The following NPLOC4 variants were observed in gnomAD, a reference collection of about 807,000 sequenced individuals.
NPLOC4 encodes NPL4 homolog, ubiquitin recognition factor, also known as nuclear protein localization protein 4 homolog.
In NPLOC4, 18 loss-of-function variants were observed where a neutral mutation model predicts 80.6. The observed-to-expected ratio is 0.22, with a 90% CI of 0.15 to 0.33. NPLOC4 has a LOEUF of 0.33. Ranked by LOEUF, NPLOC4 falls within the 10% of genes least tolerant of loss-of-function variation. The pLI is 1.00. For missense variants in NPLOC4, 540 were observed against 786.1 expected (o/e 0.69, Z 3.74); for synonymous variants, 313 against 301.5 (o/e 1.04, Z -0.39).
At chr17:81,598,962 C>A (rs2034994520) in intron 9 of NPLOC4, among the ~76,000 whole-genome samples, 1 of 152,146 alleles carries the variant, frequency 6.6e-6, no homozygotes, top group Admixed American at 6.6e-5. Context: ...AAAGCAAAAT[C>A]AAAATCAAAC....
chr17:81,583,513 GCCC>G (rs1459746775), intron 12 of NPLOC4, among the ~76,000 whole-genome samples: 1 of 152,192 alleles, frequency 6.6e-6, no homozygotes, highest in Non-Finnish European at 1.5e-5. Flanking sequence ...AAAGAGAAAA[GCCC>G]CACGTCCTGC....
Position 81,577,739 on chromosome 17 carries a change from A to G in NPLOC4, c.1282-5651T>C, listed in dbSNP as rs1162970799. Among the ~76,000 whole-genome samples the G allele has an allele frequency of 6.6e-6, 1 of 152,176 alleles. No homozygotes were observed. Among genetic ancestry groups the G allele is most frequent in the Non-Finnish European group, 1.5e-5 (1 of 68,030 alleles). ...CACAGACCCATGGCTCTACTCTGGC[A>G]CCAGTGCCAACCCTGCTCCCCAAAA... On this transcript the variant is annotated intron_variant, in intron 12 of 16. Transcript: ENST00000331134. This position sits in a 1 kb window ranked among gnomAD's most constrained non-coding sequence, Gnocchi z 4.3.
chr17:81,566,238 G>A (rs3936237), intron 15 of NPLOC4: 35,153 of 152,150 alleles, frequency 0.23, 4,354 homozygotes, highest in Admixed American at 0.3. Flanking sequence ...AGGCTGAGGC[G>A]GGAGAATCGC....
intron 1 of NPLOC4, 21 bp from the exon 2 acceptor site, chr17:81,629,826 T>C (rs778686825): frequency 1.3e-6 from 2 of 1,569,814 alleles, no homozygotes; most frequent in East Asian, 2.2e-5. Flanking sequence ...CAAAACATGA[T>C]GGTTACTGCA....
intron 12 of NPLOC4, among the ~76,000 whole-genome samples, chr17:81,575,826 T>C (rs1399510898): frequency 2.6e-5 from 4 of 152,208 alleles, no homozygotes; most frequent in African/African-American, 9.6e-5. Context: ...CAAAATTTTC[T>C]CTTAAGACTG....
chr17:81,584,211 T>G (rs1446732323), intron 12 of NPLOC4, among the ~76,000 whole-genome samples: 9 of 152,182 alleles, frequency 5.9e-5, no homozygotes, highest in Admixed American at 3.3e-4. Flanking sequence ...TTCTCTTTGC[T>G]CCAACTGATA....
intron 16 of NPLOC4, chr17:81,561,825 C>G (rs1000844224): frequency 6.6e-6 from 1 of 152,092 alleles, no homozygotes; most frequent in Non-Finnish European, 1.5e-5. Context: ...TCTCACACTT[C>G]TGGGCTACAG....
chr17:81,565,497 G>T lies in NPLOC4; in HGVS notation c.1669+8C>A, dbSNP rs1346551382. On this transcript the variant is annotated splice_region_variant and intron_variant, in intron 16 of 16. Coordinates refer to ENST00000331134, the MANE Select transcript of NPLOC4 (RefSeq NM_017921.4). ...CGGGGTGCCGGGGCAGGGGGTGGGGGTACTCACTGCACAGCTGCTCGATGG... is the reference window on the plus strand; with the variant it reads ...CGGGGTGCCGGGGCAGGGGGTGGGGTTACTCACTGCACAGCTGCTCGATGG... The T allele has an allele frequency of 6.5e-7, 1 of 1,541,732 alleles. No individual in the cohort carries two copies.
intron 1 of NPLOC4, among the ~76,000 whole-genome samples, chr17:81,635,534 ATTTG>A (rs1186778883): frequency 6.6e-6 from 1 of 151,902 alleles, no homozygotes; most frequent in East Asian, 1.9e-4. Flanking sequence ...CTGGAGACCC[ATTTG>A]TTTGTGTGTG....
intron 9 of NPLOC4, among the ~76,000 whole-genome samples, chr17:81,599,079 G>C (rs987458791): frequency 6.6e-5 from 10 of 152,102 alleles, no homozygotes; most frequent in African/African-American, 2.4e-4. Flanking sequence ...ACCTGAGGTC[G>C]AGAGTTCAAG....
rs1021978786 is a variant in NPLOC4 at position 81,583,164 on chromosome 17, T to C, written c.1281+5780A>G. On this transcript the variant is annotated intron_variant, in intron 12 of 16. Transcript: ENST00000331134. ...CTTTTCAGTGAGCGACTTGGAAATATCTATCAAAACTCGAAAAACCTTCCT... is the reference window on the plus strand; with the variant it reads ...CTTTTCAGTGAGCGACTTGGAAATACCTATCAAAACTCGAAAAACCTTCCT... 2.6e-5 allele frequency among the ~76,000 whole-genome samples: 4 copies of C among 152,368 alleles called. No homozygotes were observed. The Middle Eastern group carries it at 0.01, about 389-fold the overall frequency.
intron 12 of NPLOC4, among the ~76,000 whole-genome samples, chr17:81,587,312 T>TTTTTTTA (rs1373188167): frequency 4.6e-5 from 7 of 151,846 alleles, no homozygotes; most frequent in Non-Finnish European, 8.8e-5. Context: ...TGTCTCTTTA[T>TTTTTTTA]TTTTTTATTT....
chr17:81,586,100 C>T (rs112851577), intron 12 of NPLOC4, among the ~76,000 whole-genome samples: 32 of 152,162 alleles, frequency 2.1e-4, no homozygotes, highest in African/African-American at 7.2e-4. Flanking sequence ...GCCTGCCCAA[C>T]GGGGTAGGAG....
chr17:81,629,786 G>A lies in NPLOC4; in HGVS notation c.35C>T (p.Pro12Leu). The change falls in exon 2 of 17, where the codon CCG becomes CTG. Residue 12 changes from proline to leucine, a missense_variant. By Grantham distance (98) the Pro-to-Leu change is moderately conservative (BLOSUM62 -3). Around this residue, in one of 6 missense-constraint regions of NPLOC4, gnomAD observed 62 missense variants for 84.4 expected, o/e 0.73. Coordinates refer to ENST00000331134, the MANE Select transcript of NPLOC4 (RefSeq NM_017921.4). ...AESIIIRVQSPDGVKRITATK... is the reference protein window; with the variant it reads ...AESIIIRVQSLDGVKRITATK... ...TGCTGTGATCCGCTTCACTCCATCCGGGGACTGGACACGAATTATCTGTTG... is the reference window on the plus strand; with the variant it reads ...TGCTGTGATCCGCTTCACTCCATCCAGGGACTGGACACGAATTATCTGTTG... 5 of 1,612,824 alleles carry A rather than the reference G, an allele frequency of 3.1e-6. No homozygotes were observed. Among genetic ancestry groups the A allele is most frequent in the Non-Finnish European group, 3.4e-6 (4 of 1,178,948 alleles).
intron 12 of NPLOC4, 114 bp downstream of exon 12, chr17:81,588,830 C>T: frequency 3.4e-6 from 3 of 880,708 alleles, no homozygotes; most frequent in Non-Finnish European, 5.3e-6. Context: ...AAGCAGGGTT[C>T]AACCACAGCT....
Position 81,629,604 on chromosome 17 carries a change from A to G in NPLOC4, c.96+121T>C, listed in dbSNP as rs529595642. On this transcript the variant is annotated intron_variant, in intron 2 of 16. Transcript: ENST00000331134. ...AACCCAACTGTGATAGAGAAAGGCA[A>G]TGCAAGAGGCAATTTGGGAATAGGG... 15 of 745,230 alleles carry G rather than the reference A, an allele frequency of 2.0e-5. No homozygotes were observed. In the South Asian group the frequency reaches 2.5e-4, roughly 12 times the overall value. The allele number at this position is 745,230 out of a possible 1,614,324, so 46.2% of individuals were successfully genotyped here.
chr17:81,583,208 G>A (rs1162627127), intron 12 of NPLOC4, among the ~76,000 whole-genome samples: 1 of 152,238 alleles, frequency 6.6e-6, no homozygotes, highest in African/African-American at 2.4e-5. Context: ...ATTCTATTTT[G>A]AAGATATACA....
At chr17:81,576,947 G>A (rs140847055) in intron 12 of NPLOC4, among the ~76,000 whole-genome samples, 16 of 152,132 alleles carry the variant, frequency 1.1e-4, no homozygotes, top group African/African-American at 3.9e-4. Context: ...CAGACCCTTC[G>A]AGTACATAGT....
In NPLOC4 at chr17:81,558,442, C is replaced by T. The variant is rs2033719310; in HGVS notation, c.*817G>A. 6.6e-6 allele frequency: 1 copy of T among 152,210 alleles called. No homozygotes were observed. Among genetic ancestry groups the T allele is most frequent in the Non-Finnish European group, 1.5e-5 (1 of 68,066 alleles). 9.4% of individuals were successfully genotyped at this position (152,210 alleles called of 1,614,324 possible). On this transcript the variant is annotated 3_prime_UTR_variant, in exon 17 of 17. Transcript: ENST00000331134. ...TGTGGCTTGGTAGAAAAGTCTCAGG[C>T]ACTGAGGTTTACTTCAAGGGAGAAC...
Sources: gnomAD v4.1 joint callset for allele counts (sites outside exome capture counted in the v4.1 genomes callset) on GRCh38, gnomAD v4.1.1 for gene constraint, gnomAD v4.1.1 regional missense constraint, Gnocchi (gnomAD v3.1) non-coding constraint, MANE v1.5 for transcripts, NCBI Gene and HGNC (gene_info 2026-07-23, HGNC 2026-07-21) for gene names.